RYR2: variants seen among roughly 807,000 people sequenced by gnomAD.
RYR2 encodes the protein cardiac muscle ryanodine receptor-calcium release channel.
In RYR2, 227 loss-of-function variants were observed where a neutral mutation model predicts 601.1. The ratio of observed to expected loss-of-function variants is 0.38; its 90% CI spans 0.34 to 0.42. The LOEUF is 0.42. Ranked by LOEUF, RYR2 falls within the 10% of genes least tolerant of loss-of-function variation. The probability of loss-of-function intolerance (pLI) is 1.00; values close to 1 mark genes in which losing one functional copy is unlikely to be tolerated. For synonymous variants in RYR2, 2,223 were observed against 2,175.1 expected, an observed-to-expected ratio of 1.02 and a Z score of -0.61; for missense variants, 4,646 against 6,156.5, an observed-to-expected ratio of 0.75 and a Z score of 8.21.
intron 88 of RYR2, among the ~76,000 whole-genome samples, chr1:237,779,125 T>C (rs150740664): frequency 1.4e-3 from 215 of 152,264 alleles, no homozygotes; most frequent in African/African-American, 4.8e-3. Context: ...TTACAGATAA[T>C]TGAAATAGGT....
In RYR2 at chr1:237,503,481, A is replaced by G. The variant is rs587781141; in HGVS notation, c.2589A>G (p.Thr863=). 3.1e-6 allele frequency: 5 copies of G among 1,613,786 alleles called. No homozygotes were observed. The highest frequency in any genetic ancestry group is 4.2e-6 in the Non-Finnish European group (5 of 1,179,852). The change falls in exon 22 of 105, where the codon ACA becomes ACG. Residue 863 remains threonine, a synonymous_variant. Transcript: ENST00000366574. The part of the protein sequence containing the change: ...PTVSLTQAAF[T]PIPVDTSQIV... The stretch of plus-strand genomic sequence containing the variant: ...TTTCCCTGACGCAAGCTGCCTTCAC[A>G]CCCATCCCTGTGGATACCAGCCAGG...
At position 237,678,091 on chromosome 1, in the gene RYR2, A is replaced by T. The variant is rs749001935; in HGVS notation, c.8874A>T (p.Gln2958His). The T allele has an allele frequency of 6.2e-7, 1 of 1,600,260 alleles. No individual in the cohort carries two copies. The highest frequency in any genetic ancestry group is 8.6e-7 in the Non-Finnish European group (1 of 1,169,020). The stretch of plus-strand genomic sequence containing the variant: ...AAGGAGAACATTTCCCTTATGAACA[A>T]GAAATCAAGTTCTTTGCAAAAGTAC... ...RGKGEHFPYE[Q>H]EIKFFAKVVL... Residue 2958 changes from glutamine to histidine, a missense_variant, in exon 61 of 105, where the codon CAA becomes CAT. Physicochemically the swap from Gln to His is conservative, Grantham distance 24 (BLOSUM62 0). Around this residue, in one of 17 missense-constraint regions of RYR2, gnomAD observed 1,497 missense variants for 1,842.6 expected, o/e 0.81. Transcript: ENST00000366574.
intron 53 of RYR2, among the ~76,000 whole-genome samples, chr1:237,657,190 G>A (rs1379989889): frequency 7.9e-5 from 12 of 152,020 alleles, no homozygotes; most frequent in Non-Finnish European, 1.5e-5. Context: ...TTTATATATT[G>A]CTTCTTAAGT....
intron 76 of RYR2, among the ~76,000 whole-genome samples, 156 bp downstream of exon 76, chr1:237,727,355 G>T (rs941202624): frequency 4.6e-5 from 7 of 152,114 alleles, no homozygotes; most frequent in Admixed American, 4.6e-4. Flanking sequence ...AATTTTGTTG[G>T]ATATTTTCGG....
intron 51 of RYR2, among the ~76,000 whole-genome samples, chr1:237,652,133 C>T (rs1010113430): frequency 3.3e-5 from 5 of 152,110 alleles, no homozygotes; most frequent in South Asian, 4.1e-4. Flanking sequence ...TTAGAAACCT[C>T]GAGAGATAAA....
At position 237,296,827 on chromosome 1, in the gene RYR2, C is replaced by T. The variant is rs552978821; in HGVS notation, c.168+26211C>T. ...AGGAGAATGACCTGCAAAGCAGACA[C>T]TTTTTTGAGTCTTCTAAAAAGATAA... On this transcript the variant is annotated intron_variant, in intron 2 of 104. Transcript: ENST00000366574. Among the ~76,000 whole-genome samples, 8 of 152,270 alleles carry T rather than the reference C, an allele frequency of 5.3e-5. No homozygotes were observed. The East Asian group carries it at 1.5e-3, about 29-fold the overall frequency.
intron 10 of RYR2, among the ~76,000 whole-genome samples, chr1:237,407,291 C>T (rs1703991229): frequency 6.6e-6 from 1 of 152,064 alleles, no homozygotes; most frequent in Admixed American, 6.5e-5. Context: ...TTGTATAGAC[C>T]TAATTTATTT....
chr1:237,764,360 T>C (rs1693668082), intron 84 of RYR2, among the ~76,000 whole-genome samples: 1 of 151,484 alleles, frequency 6.6e-6, no homozygotes, highest in Non-Finnish European at 1.5e-5. Flanking sequence ...CTGTTCATAT[T>C]CTTCAGGGGC....
At chr1:237,732,481 G>A (rs777754829) in intron 78 of RYR2, among the ~76,000 whole-genome samples, 3 of 152,104 alleles carry the variant, frequency 2.0e-5, no homozygotes, top group Admixed American at 1.3e-4. Flanking sequence ...TTCCAGTGCC[G>A]CAAGTGTATG....
chr1:237,574,309 C>T (rs769924200), intron 29 of RYR2, among the ~76,000 whole-genome samples: 6 of 152,146 alleles, frequency 3.9e-5, no homozygotes, highest in Non-Finnish European at 5.9e-5. Flanking sequence ...GGACTGATAA[C>T]CATTCAAAAT....
intron 1 of RYR2, among the ~76,000 whole-genome samples, chr1:237,206,887 A>G (rs762265034): frequency 2.0e-5 from 3 of 152,240 alleles, no homozygotes; most frequent in Admixed American, 6.5e-5. Context: ...TTACAGGAAA[A>G]GTAGTTTTTG....
At chr1:237,352,788 A>G (rs1698967452) in intron 3 of RYR2, 2 of 478,868 alleles carry the variant, frequency 4.2e-6, no homozygotes, top group South Asian at 3.0e-5. Flanking sequence ...TTGTGTCTTG[A>G]TGCATTAGTA....
intron 2 of RYR2, among the ~76,000 whole-genome samples, chr1:237,306,467 T>C (rs1338154234): frequency 6.6e-6 from 1 of 152,244 alleles, no homozygotes; most frequent in African/African-American, 2.4e-5. Flanking sequence ...GTTTCACTTA[T>C]GCACATCCAA....
At chr1:237,393,255 A>T (rs911990596) in intron 10 of RYR2, among the ~76,000 whole-genome samples, 1 of 152,238 alleles carries the variant, frequency 6.6e-6, no homozygotes, top group Non-Finnish European at 1.5e-5. Context: ...TTCTGACAGT[A>T]TCTGGAAATA....
intron 84 of RYR2, among the ~76,000 whole-genome samples, chr1:237,764,467 G>T (rs1335336472): frequency 1.3e-5 from 1 of 76,176 alleles, no homozygotes; most frequent in East Asian, 6.2e-4. Context: ...AATTCTTTTT[G>T]AGATGGAGTG....
intron 25 of RYR2, among the ~76,000 whole-genome samples, chr1:237,546,310 A>G (rs1669796146): frequency 6.6e-6 from 1 of 152,190 alleles, no homozygotes; most frequent in Non-Finnish European, 1.5e-5. Context: ...CTCAAAACAA[A>G]ACATTGGTAA....
intron 1 of RYR2, among the ~76,000 whole-genome samples, chr1:237,149,925 G>A (rs1048531446): frequency 7.8e-4 from 119 of 152,088 alleles, no homozygotes; most frequent in Non-Finnish European, 1.5e-3. Context: ...TTTTCCACCC[G>A]AGATAGCTCA....
At chr1:237,318,496 G>T (rs1000808786) in intron 2 of RYR2, among the ~76,000 whole-genome samples, 2 of 152,072 alleles carry the variant, frequency 1.3e-5, no homozygotes, top group Non-Finnish European at 2.9e-5. Flanking sequence ...ACTTTCTTTT[G>T]TATTTAACTG....
intron 2 of RYR2, among the ~76,000 whole-genome samples, chr1:237,292,375 T>A (rs1053553652): frequency 1.3e-5 from 2 of 152,208 alleles, no homozygotes; most frequent in African/African-American, 2.4e-5. Context: ...AATATATAAA[T>A]GTGTGTACAG....
Sources: allele counts gnomAD v4.1 joint callset (sites outside exome capture counted in the v4.1 genomes callset), GRCh38; gene constraint gnomAD v4.1.1; regional missense constraint gnomAD v4.1.1; transcripts MANE v1.5; gene names NCBI Gene and HGNC (gene_info 2026-07-23, HGNC 2026-07-21).